MAGI1: variants seen among roughly 807,000 people sequenced by gnomAD.
MAGI1 encodes the protein membrane associated guanylate kinase, WW and PDZ domain containing 1, also known as membrane-associated guanylate kinase, WW and PDZ domain-containing protein 1.
A neutral mutation model predicts 139.9 loss-of-function variants in MAGI1; 58 were observed. The ratio of observed to expected loss-of-function variants is 0.41; its 90% CI spans 0.34 to 0.52. MAGI1 has a LOEUF of 0.52. Ranked by LOEUF, MAGI1 falls within the 20% of genes least tolerant of loss-of-function variation. MAGI1 has a pLI of 0.12. For synonymous variants in MAGI1, 812 were observed against 737.9 expected (o/e 1.10, Z -1.63); for missense variants, 1,874 against 1,901.6 (o/e 0.99, Z 0.27).
intron 1 of MAGI1, among the ~76,000 whole-genome samples, chr3:65,948,655 C>T (rs2063654694): frequency 6.6e-6 from 1 of 152,182 alleles, no homozygotes; most frequent in African/African-American, 2.4e-5. Context: ...GAGAAGGACA[C>T]AATTCAAACT....
intron 13 of MAGI1, among the ~76,000 whole-genome samples, chr3:65,395,636 CAAAAAAAA>C (rs58806140): frequency 2.6e-4 from 5 of 19,170 alleles, no homozygotes; most frequent in African/African-American, 5.2e-4. Flanking sequence ...GACTCCATCT[CAAAAAAAA>C]AAAAAAAAAA....
chr3:66,006,541 A>C (rs974552937), intron 1 of MAGI1, among the ~76,000 whole-genome samples: 7 of 152,112 alleles, frequency 4.6e-5, no homozygotes, highest in African/African-American at 1.7e-4. Context: ...GACAAACTAG[A>C]ATGGTTTATT....
intron 1 of MAGI1, among the ~76,000 whole-genome samples, chr3:65,860,563 C>T (rs2059523421): frequency 1.3e-5 from 2 of 152,176 alleles, no homozygotes; most frequent in South Asian, 4.1e-4. Context: ...GAGTGTGCTG[C>T]AGGGATCTCT....
intron 1 of MAGI1, among the ~76,000 whole-genome samples, chr3:65,712,989 A>G (rs955020991): frequency 2.0e-5 from 3 of 152,188 alleles, no homozygotes; most frequent in African/African-American, 7.2e-5. Flanking sequence ...TTAAATATTC[A>G]TTCAGGAAGC....
chr3:65,666,882 G>C (rs1021222522), intron 1 of MAGI1, among the ~76,000 whole-genome samples: 3 of 152,164 alleles, frequency 2.0e-5, no homozygotes, highest in Non-Finnish European at 4.4e-5. Context: ...CCACAGGCAA[G>C]GTCCACCATT....
rs898678804 is a variant in MAGI1 at position 65,634,751 on chromosome 3, C to T, written c.314-12663G>A. On this transcript the variant is annotated intron_variant, in intron 1 of 22. Transcript: ENST00000402939. The stretch of plus-strand genomic sequence containing the variant: ...TTTAAAAAAATAAGAACAACAGAGA[C>T]GTTTATGGCTCAGCTAAGGGAATGT... Among the ~76,000 whole-genome samples, 6 of 152,142 alleles carry T rather than the reference C, an allele frequency of 3.9e-5. No homozygotes were observed. In the South Asian group the frequency reaches 6.2e-4, roughly 16 times the overall value.
At chr3:65,377,148 T>C (rs1314511202) in intron 17 of MAGI1, among the ~76,000 whole-genome samples, 1 of 152,176 alleles carries the variant, frequency 6.6e-6, no homozygotes, top group African/African-American at 2.4e-5. Context: ...GTAAAGTGTG[T>C]GGGAAAATGC....
chr3:65,724,950 C>G (rs892480531), intron 1 of MAGI1, among the ~76,000 whole-genome samples: 4 of 152,122 alleles, frequency 2.6e-5, no homozygotes, highest in Non-Finnish European at 5.9e-5. Flanking sequence ...CACTACAATT[C>G]AAGACGAAAT....
intron 1 of MAGI1, chr3:65,914,254 T>C (rs1576012013): frequency 6.6e-6 from 1 of 152,022 alleles, no homozygotes; most frequent in African/African-American, 2.4e-5. Flanking sequence ...GTGAAAAGCC[T>C]GGAAAAAAAA....
intron 1 of MAGI1, among the ~76,000 whole-genome samples, chr3:65,951,519 A>C (rs2063862988): frequency 6.6e-6 from 1 of 152,262 alleles, no homozygotes; most frequent in Non-Finnish European, 1.5e-5. Context: ...TATGAAAAAC[A>C]CGTCAAATAT....
chr3:65,779,867 G>GA (rs2038787958), intron 1 of MAGI1, among the ~76,000 whole-genome samples: 1 of 152,042 alleles, frequency 6.6e-6, no homozygotes, highest in Non-Finnish European at 1.5e-5. Context: ...TCCTGTTATC[G>GA]ATTACATGTG....
rs1950483980 is a variant in MAGI1, at chr3:65,470,357, T to C, written c.885A>G (p.Ala295=). 2 of 1,613,892 alleles carry C rather than the reference T, an allele frequency of 1.2e-6. No homozygotes were observed. Among genetic ancestry groups the C allele is most frequent in the Non-Finnish European group, 1.7e-6 (2 of 1,179,858 alleles). Residue 295 remains alanine, a synonymous_variant, in exon 5 of 23, where the codon GCA becomes GCG. Coordinates refer to ENST00000402939, the MANE Select transcript of MAGI1 (RefSeq NM_001033057.2). ...QKFPQYLPLS[A]EDNLGPLPEN... ...CAGGTAGAGGACCTAAATTATCCTC[T>C]GCAGAAAGAGGTAGGTATTGAGGGA...
chr3:65,527,531 C>T (rs2078443220), intron 2 of MAGI1, among the ~76,000 whole-genome samples: 2 of 152,140 alleles, frequency 1.3e-5, no homozygotes, highest in African/African-American at 4.8e-5. Flanking sequence ...CGAGACCATC[C>T]TGGTTAACAT....
intron 18 of MAGI1, among the ~76,000 whole-genome samples, chr3:65,369,438 C>T (rs1941763839): frequency 6.6e-6 from 1 of 151,984 alleles, no homozygotes; most frequent in Admixed American, 6.6e-5. Context: ...GACTCACGCA[C>T]TGCACAAAGG....
chr3:65,829,975 C>T (rs2042437441), intron 1 of MAGI1, among the ~76,000 whole-genome samples: 2 of 152,174 alleles, frequency 1.3e-5, no homozygotes, highest in African/African-American at 4.8e-5. Context: ...TACAAATAAA[C>T]TGTTTTATTA....
intron 20 of MAGI1, 43 bp downstream of exon 20, chr3:65,364,622 G>C: frequency 6.4e-7 from 1 of 1,551,406 alleles, no homozygotes; most frequent in Non-Finnish European, 8.8e-7. Context: ...AAAGTTGGAA[G>C]GAAACGTGCA....
At chr3:65,505,014 T>C (rs1198133919) in intron 2 of MAGI1, among the ~76,000 whole-genome samples, 1 of 152,204 alleles carries the variant, frequency 6.6e-6, no homozygotes, top group Non-Finnish European at 1.5e-5. Context: ...TACACATTTA[T>C]CAGAAATCAA....
At chr3:65,930,315 C>CAAAAAAAAAAAAAAAAAAAAAAAAAA in intron 1 of MAGI1, among the ~76,000 whole-genome samples, 1 of 87,630 alleles carries the variant, frequency 1.1e-5, no homozygotes, top group Non-Finnish European at 2.3e-5. Flanking sequence ...GACTCCGTCT[C>CAAAAAAAAAAAAAAAAAAAAAAAAAA]AAAAAAAAAA....
At chr3:65,575,405 T>C (rs1232153500) in intron 2 of MAGI1, among the ~76,000 whole-genome samples, 2 of 152,008 alleles carry the variant, frequency 1.3e-5, no homozygotes, top group Non-Finnish European at 2.9e-5. Flanking sequence ...GTGGAAGAAG[T>C]GAAACTCTCC....
Sources: allele counts gnomAD v4.1 joint callset (sites outside exome capture counted in the v4.1 genomes callset), GRCh38; gene constraint gnomAD v4.1.1; transcripts MANE v1.5; gene names NCBI Gene and HGNC (gene_info 2026-07-23, HGNC 2026-07-21).